The following PCDHA1 variants were observed in gnomAD, a reference collection of about 807,000 sequenced individuals.
PCDHA1 encodes protocadherin alpha-1.
PCDHA1 carries 42 observed loss-of-function variants against 61.3 expected under a neutral mutation model. That is an observed-to-expected ratio of 0.69 (90% confidence interval 0.54 to 0.89). The LOEUF is 0.89. Ranked by LOEUF, PCDHA1 falls within the 40% of genes least tolerant of loss-of-function variation. The pLI is 0.00. For missense variants in PCDHA1, 1,256 were observed against 1,235.3 expected (o/e 1.02, Z -0.25); for synonymous variants, 610 against 553.8 (o/e 1.10, Z -1.43).
chr5:140,921,581 T>C (rs1199851100), intron 1 of PCDHA1, among the ~76,000 whole-genome samples: 1 of 152,210 alleles, frequency 6.6e-6, no homozygotes, highest in Non-Finnish European at 1.5e-5. Flanking sequence ...GAGCTCATAC[T>C]ATATTATGGT....
intron 1 of PCDHA1, among the ~76,000 whole-genome samples, chr5:140,893,186 T>C (rs2063863300): frequency 6.6e-6 from 1 of 152,230 alleles, no homozygotes; most frequent in Admixed American, 6.5e-5. Context: ...GTAGCTATTG[T>C]GAATAGTGCT....
At chr5:140,798,086 G>A (rs2149931451) in intron 1 of PCDHA1, among the ~76,000 whole-genome samples, 1 of 152,130 alleles carries the variant, frequency 6.6e-6, no homozygotes. Context: ...TGGCCAGGCT[G>A]GTCTCAAACT....
At chr5:140,935,382 T>G (rs1475831801) in intron 1 of PCDHA1, among the ~76,000 whole-genome samples, 1 of 152,218 alleles carries the variant, frequency 6.6e-6, no homozygotes, top group Non-Finnish European at 1.5e-5. Flanking sequence ...AATTACTCAT[T>G]TGTTATCCCA....
intron 1 of PCDHA1, 168 bp from the exon 2 acceptor site, chr5:140,978,781 A>G (rs4461687): frequency 4.1e-6 from 4 of 969,772 alleles, no homozygotes; most frequent in South Asian, 4.8e-5. Context: ...ATTTTCTTCT[A>G]AAGTGCTATA....
At chr5:140,983,062 G>A (rs575564004) in intron 3 of PCDHA1, among the ~76,000 whole-genome samples, 2 of 152,168 alleles carry the variant, frequency 1.3e-5, no homozygotes, top group South Asian at 4.2e-4. Context: ...TCGGAACCAA[G>A]GCATTGTTTT....
At chr5:140,975,022 G>A (rs2096650178) in intron 1 of PCDHA1, among the ~76,000 whole-genome samples, 2 of 152,188 alleles carry the variant, frequency 1.3e-5, no homozygotes, top group Admixed American at 1.3e-4. Context: ...GCTGGGCTGT[G>A]TTGTCCTTTG....
At chr5:140,890,738 A>G (rs1283898948) in intron 1 of PCDHA1, among the ~76,000 whole-genome samples, 1 of 152,200 alleles carries the variant, frequency 6.6e-6, no homozygotes. Context: ...TGACTTATAT[A>G]CTATTTCTGT....
At chr5:140,791,003 G>C (rs202037198) in intron 1 of PCDHA1, among the ~76,000 whole-genome samples, 2 of 152,246 alleles carry the variant, frequency 1.3e-5, no homozygotes, top group East Asian at 1.9e-4. Flanking sequence ...TAAAGTTCTT[G>C]CTCCATTCCA....
At chr5:140,948,519 CTA>C (rs2094266581) in intron 1 of PCDHA1, among the ~76,000 whole-genome samples, 1 of 151,476 alleles carries the variant, frequency 6.6e-6, no homozygotes, top group African/African-American at 2.4e-5. Context: ...AATGTTAACA[CTA>C]TTTATATTTT....
Position 141,003,329 on chromosome 5 carries a change from T to C in PCDHA1, c.2543-6298T>C, listed in dbSNP as rs571160293. On this transcript the variant is annotated intron_variant, in intron 3 of 3. Transcript: ENST00000504120. ...GGCCAGCTACTTCCAGAGGGCAGGG[T>C]TTTTTGTTTGTTTGCTCTGTCACCC... Among the ~76,000 whole-genome samples the C allele has an allele frequency of 7.2e-5, 11 of 152,118 alleles. No homozygotes were observed. The South Asian group carries it at 2.3e-3, about 32-fold the overall frequency.
chr5:140,842,441 G>T (rs1554139039), intron 1 of PCDHA1: 3 of 1,613,636 alleles, frequency 1.9e-6, no homozygotes, highest in Non-Finnish European at 2.5e-6. Flanking sequence ...CCTAATTAGC[G>T]TGAACGACCT....
intron 1 of PCDHA1, chr5:140,805,211 A>G (rs536926941): frequency 7.0e-7 from 1 of 1,421,082 alleles, no homozygotes; most frequent in African/African-American, 1.4e-5. Flanking sequence ...CCAAATAAAC[A>G]TTGTTTTCTA....
chr5:140,839,394 TG>T (rs201675395), intron 1 of PCDHA1, among the ~76,000 whole-genome samples: 1,897 of 151,840 alleles, frequency 0.012, 32 homozygotes, highest in Middle Eastern at 0.017. Flanking sequence ...ATGATGATGA[TG>T]ATTATTATTT....
chr5:140,873,537 A>G, intron 1 of PCDHA1, among the ~76,000 whole-genome samples: 1 of 152,274 alleles, frequency 6.6e-6, no homozygotes, highest in Admixed American at 6.5e-5. Flanking sequence ...TCTATGGTAT[A>G]AAATTATAAT....
rs1251328061 is a variant in PCDHA1, at chr5:140,787,768, C to T, written c.1478C>T (p.Ser493Leu). ...DAQENALVSY[S>L]LVERRVGERA... ...CAGGAGAACGCGCTGGTGTCCTATTCGCTGGTGGAACGGCGGGTGGGCGAG... is the reference window on the plus strand; with the variant it reads ...CAGGAGAACGCGCTGGTGTCCTATTTGCTGGTGGAACGGCGGGTGGGCGAG... The change falls in exon 1 of 4, where the codon TCG becomes TTG. Residue 493 changes from serine to leucine, a missense_variant. Coordinates refer to ENST00000504120, the MANE Select transcript of PCDHA1 (RefSeq NM_018900.4). 1.9e-6 allele frequency: 3 copies of T among 1,613,042 alleles called. No individual in the cohort carries two copies. Among genetic ancestry groups the T allele is most frequent in the Middle Eastern group, 1.8e-4 (1 of 5,438 alleles).
At chr5:141,006,108 T>C (rs1268824828) in intron 3 of PCDHA1, among the ~76,000 whole-genome samples, 5 of 151,864 alleles carry the variant, frequency 3.3e-5, no homozygotes. Context: ...GTAAGGAGTT[T>C]TTTTTTTTTT....
chr5:140,962,237 C>G (rs982591816), intron 1 of PCDHA1, among the ~76,000 whole-genome samples: 5 of 152,108 alleles, frequency 3.3e-5, no homozygotes, highest in Non-Finnish European at 5.9e-5. Context: ...TTCACTTAAC[C>G]ATTTTCTTCA....
At chr5:140,846,796 C>G (rs1200474608) in intron 1 of PCDHA1, among the ~76,000 whole-genome samples, 1 of 149,304 alleles carries the variant, frequency 6.7e-6, no homozygotes, top group African/African-American at 2.5e-5. Context: ...GAGCCCCAGC[C>G]CCTGGCTTTA....
intron 1 of PCDHA1, chr5:140,860,573 A>G (rs1299479847): frequency 6.6e-6 from 1 of 152,226 alleles, no homozygotes; most frequent in Non-Finnish European, 1.5e-5. Context: ...ATCATACACA[A>G]GAAGGTATAG....
Sources: gnomAD v4.1 joint callset for allele counts (sites outside exome capture counted in the v4.1 genomes callset) on GRCh38, gnomAD v4.1.1 for gene constraint, MANE v1.5 for transcripts, NCBI Gene and HGNC (gene_info 2026-07-23, HGNC 2026-07-21) for gene names.